ORC4: variants seen among roughly 807,000 people sequenced by gnomAD.
ORC4 encodes origin recognition complex, subunit 4 homolog.
In ORC4, 55 loss-of-function variants were observed where a neutral mutation model predicts 63.9. That is an observed-to-expected ratio of 0.86 (90% confidence interval 0.69 to 1.08). The LOEUF is 1.08. Ranked by LOEUF, ORC4 falls within the 50% of genes least tolerant of loss-of-function variation. The pLI is 0.00. For synonymous variants in ORC4, 150 were observed against 168.5 expected (o/e 0.89, Z 0.85); for missense variants, 511 against 504.4 (o/e 1.01, Z -0.13).
intron 10 of ORC4, among the ~76,000 whole-genome samples, chr2:147,940,193 T>G (rs1340267436): frequency 6.6e-6 from 1 of 152,106 alleles, no homozygotes; most frequent in Non-Finnish European, 1.5e-5. Flanking sequence ...TTAACTTCAT[T>G]TTTCCATAAG....
intron 1 of ORC4, among the ~76,000 whole-genome samples, chr2:147,977,955 G>A (rs1481737786): frequency 1.3e-5 from 2 of 152,128 alleles, no homozygotes; most frequent in Non-Finnish European, 2.9e-5. Flanking sequence ...GGCCTAAGGT[G>A]TCACAAACCT....
rs375696860 is a variant in ORC4, at chr2:148,006,660, G to A, written c.-18+13973C>T. Reference sequence around the variant, plus strand: ...CTTTTGCTCCGGGATGGCATTTATAGATTGACCCTAGGCAGGAAGGGAATG... The same window carrying A: ...CTTTTGCTCCGGGATGGCATTTATAAATTGACCCTAGGCAGGAAGGGAATG... On this transcript the variant is annotated intron_variant, in intron 1 of 13. Transcript: ENST00000392857. 4.7e-4 allele frequency among the ~76,000 whole-genome samples: 71 copies of A among 152,306 alleles called. 1 individual carries two copies. The East Asian group carries it at 8.7e-3, about 19-fold the overall frequency.
chr2:148,017,057 A>G (rs1693343011), intron 1 of ORC4, among the ~76,000 whole-genome samples: 1 of 152,248 alleles, frequency 6.6e-6, no homozygotes, highest in South Asian at 2.1e-4. Flanking sequence ...GTGCTAAAGT[A>G]AAAGTTAAAA....
At position 147,933,830 on chromosome 2, in the gene ORC4, T is replaced by C. The variant is rs185950925; in HGVS notation, c.*1680A>G. 1 of 152,120 alleles carries C rather than the reference T, an allele frequency of 6.6e-6. No individual in the cohort carries two copies. Among genetic ancestry groups the C allele is most frequent in the East Asian group, 1.9e-4 (1 of 5,172 alleles). The allele number at this position is 152,120 out of a possible 1,614,324, so 9.4% of individuals were successfully genotyped here. A position where few individuals can be genotyped will look rare whatever the true frequency, so the allele number is the denominator to read the frequency against. On this transcript the variant is annotated 3_prime_UTR_variant, in exon 14 of 14. Transcript: ENST00000392857. Reference sequence around the variant, plus strand: ...TGTAGACTACGGCACAGATTGAGTATGCAAGCCTTAGCTTGAATGAGACTG... The same window carrying C: ...TGTAGACTACGGCACAGATTGAGTACGCAAGCCTTAGCTTGAATGAGACTG...
intron 4 of ORC4, among the ~76,000 whole-genome samples, chr2:147,970,543 T>C (rs1413698782): frequency 6.6e-6 from 1 of 151,302 alleles, no homozygotes; most frequent in Non-Finnish European, 1.5e-5. Context: ...CATAGTCAAC[T>C]GATCTTTGAC....
intron 9 of ORC4, among the ~76,000 whole-genome samples, chr2:147,945,690 A>G (rs948374573): frequency 1.3e-5 from 2 of 152,126 alleles, no homozygotes; most frequent in Non-Finnish European, 2.9e-5. Flanking sequence ...TCAAGGTTCA[A>G]TCTTATCCTG....
chr2:147,946,826 T>G (rs940683622), intron 9 of ORC4, among the ~76,000 whole-genome samples: 2 of 151,940 alleles, frequency 1.3e-5, no homozygotes, highest in Non-Finnish European at 2.9e-5. Context: ...AGCATGTATA[T>G]AAACTCTGCA....
At chr2:148,014,529 GA>G (rs970543572) in intron 1 of ORC4, among the ~76,000 whole-genome samples, 2 of 151,908 alleles carry the variant, frequency 1.3e-5, no homozygotes, top group African/African-American at 4.8e-5. Context: ...AGGCACACAA[GA>G]AAAAAATATC....
Position 147,972,760 on chromosome 2 carries a change from G to A in ORC4, c.204C>T (p.Pro68=), listed in dbSNP as rs1345814847. 1.2e-6 allele frequency: 2 copies of A among 1,608,930 alleles called. No homozygotes were observed. Among genetic ancestry groups the A allele is most frequent in the South Asian group, 1.1e-5 (1 of 90,420 alleles). The change falls in exon 4 of 14, where the codon CCC becomes CCT. Residue 68 remains proline, a synonymous_variant. Transcript: ENST00000392857. ...GESNSVLIIG[P]RGSGKTMLIN... ...TTACCATAGTTTTTCCTGATCCTCGGGGTCCGATAATAAGGACAGAGTTAC... is the reference window on the plus strand; with the variant it reads ...TTACCATAGTTTTTCCTGATCCTCGAGGTCCGATAATAAGGACAGAGTTAC...
intron 4 of ORC4, among the ~76,000 whole-genome samples, chr2:147,963,976 A>G (rs748669251): frequency 6.6e-6 from 1 of 152,198 alleles, no homozygotes; most frequent in Non-Finnish European, 1.5e-5. Flanking sequence ...TTACGAGATC[A>G]ATTCTGTAAG....
At chr2:147,973,304 T>C in intron 3 of ORC4, 144 bp downstream of exon 3, 1 of 670,726 alleles carries the variant, frequency 1.5e-6, no homozygotes, top group East Asian at 2.8e-5. Flanking sequence ...CTATGTGGTG[T>C]TTCTATTCAC....
rs573328115 is a variant in ORC4 at position 147,974,049 on chromosome 2, A to C, written c.58-525T>G. Among the ~76,000 whole-genome samples, 6 of 152,292 alleles carry C rather than the reference A, an allele frequency of 3.9e-5. No homozygotes were observed. The South Asian group carries it at 1.2e-3, about 32-fold the overall frequency. ...TTTGGCCCCATGAACTGGAATAAAA[A>C]GGCTCCAAGAATATTTGCTTCTCCT... On this transcript the variant is annotated intron_variant, in intron 2 of 13. Coordinates refer to ENST00000392857, the MANE Select transcript of ORC4 (RefSeq NM_181741.4).
chr2:148,021,492 G>A (rs1205791660), upstream of ORC4: 1 of 576,328 alleles, frequency 1.7e-6, no homozygotes. Flanking sequence ...TGCTGCTGCT[G>A]CTGCTACTGC....
chr2:147,994,877 T>A (rs1691844923), intron 1 of ORC4, among the ~76,000 whole-genome samples: 1 of 152,116 alleles, frequency 6.6e-6, no homozygotes, highest in Non-Finnish European at 1.5e-5. Flanking sequence ...ATACAAAAAT[T>A]AGCTGGGCAT....
rs1232469385 is a variant in ORC4, at chr2:147,931,254, CATT to C, written c.*4253_*4255del. ...GCCACGTTTTCTTAATCCAGTCTAT[CATT>C]GTTGGACATTTGGGTTGGTTCCAAG... On this transcript the variant is annotated 3_prime_UTR_variant, in exon 14 of 14. Coordinates refer to ENST00000392857, the MANE Select transcript of ORC4 (RefSeq NM_181741.4). The C allele has an allele frequency of 9.2e-5, 14 of 151,472 alleles. No individual in the cohort carries two copies. The highest frequency in any genetic ancestry group is 3.4e-3 in the Middle Eastern group (1 of 294). 9.4% of individuals were successfully genotyped at this position (151,472 alleles called of 1,614,324 possible). A position where few individuals can be genotyped will look rare whatever the true frequency, so the allele number is the denominator to read the frequency against.
chr2:147,983,580 A>C (rs891546210), intron 1 of ORC4, among the ~76,000 whole-genome samples: 1 of 152,194 alleles, frequency 6.6e-6, no homozygotes, highest in African/African-American at 2.4e-5. Context: ...AACTCTATGG[A>C]AACGAATGTC....
chr2:147,976,154 T>C (rs572293384), intron 1 of ORC4, among the ~76,000 whole-genome samples, 179 bp from the exon 2 acceptor site: 2 of 152,258 alleles, frequency 1.3e-5, no homozygotes, highest in South Asian at 4.1e-4. Context: ...TTCAACACTC[T>C]CATACCACAC....
rs1379844081 is a variant in ORC4, at chr2:147,958,314, A to C, written c.371T>G (p.Val124Gly). The change falls in exon 6 of 14, where the codon GTT becomes GGT. Residue 124 changes from valine to glycine, a missense_variant. Val to Gly is a moderately radical substitution (Grantham distance 109). Coordinates refer to ENST00000392857, the MANE Select transcript of ORC4 (RefSeq NM_181741.4). ...ITRQLNLENV[V>G]GDKVFGSFAE... is the part of the protein sequence containing the mutation. ...GATACTTACAAAAACTTTATCTCCA[A>C]CTACATTTTCCAGATTTAACTGCCT... is the stretch of plus-strand genomic sequence containing the variant. 2.5e-6 allele frequency: 4 copies of C among 1,609,210 alleles called. No homozygotes were observed. Among genetic ancestry groups the C allele is most frequent in the Non-Finnish European group, 2.6e-6 (3 of 1,176,034 alleles).
intron 1 of ORC4, among the ~76,000 whole-genome samples, chr2:147,996,364 AC>A (rs1440916344): frequency 1.3e-5 from 2 of 152,168 alleles, no homozygotes; most frequent in African/African-American, 4.8e-5. Flanking sequence ...AATCTAGGTG[AC>A]CTTGGTTATG....
Sources: gnomAD v4.1 joint callset for allele counts (sites outside exome capture counted in the v4.1 genomes callset) on GRCh38, gnomAD v4.1.1 for gene constraint, MANE v1.5 for transcripts, NCBI Gene and HGNC (gene_info 2026-07-23, HGNC 2026-07-21) for gene names.